GRTP1: variants seen among roughly 807,000 people sequenced by gnomAD.
GRTP1 encodes growth hormone-regulated TBC protein 1.
In GRTP1, 56 loss-of-function variants were observed where a neutral mutation model predicts 38.1. That is an observed-to-expected ratio of 1.47 (90% CI 1.19 to 1.84). The LOEUF is 1.84. GRTP1 is among the 40% of genes most tolerant of loss of function. GRTP1 has a pLI of 0.00. For missense variants in GRTP1, 506 were observed against 453.9 expected (o/e 1.11, Z -1.04); for synonymous variants, 217 against 189.5 (o/e 1.14, Z -1.19).
Position 113,348,781 on chromosome 13 carries a change from C to T in GRTP1, c.465+2068G>A, listed in dbSNP as rs1354700561. ...AGGGCAAGGCCTGGGACAGTCCGTC[C>T]GTCACAGCCTCAGAAAGAACCCGCC... On this transcript the variant is annotated intron_variant, in intron 4 of 7. Coordinates refer to ENST00000375431, the MANE Select transcript of GRTP1 (RefSeq NM_024719.4). This position sits in a 1 kb window ranked among gnomAD's most constrained non-coding sequence, Gnocchi z 4.8. Among the ~76,000 whole-genome samples, 4 of 152,174 alleles carry T rather than the reference C, an allele frequency of 2.6e-5. No individual in the cohort carries two copies. Among genetic ancestry groups the T allele is most frequent in the East Asian group, 1.9e-4 (1 of 5,180 alleles).
chr13:113,359,327 T>A (rs891720414), intron 2 of GRTP1, among the ~76,000 whole-genome samples: 11 of 152,202 alleles, frequency 7.2e-5, no homozygotes, highest in African/African-American at 2.2e-4. Context: ...CCATATACTG[T>A]TAAGAGTGAA....
At chr13:113,331,551 CT>C (rs2139409184) in intron 5 of GRTP1, among the ~76,000 whole-genome samples, 1 of 152,166 alleles carries the variant, frequency 6.6e-6, no homozygotes, top group South Asian at 2.1e-4. Flanking sequence ...CCTGAGAAGA[CT>C]TCGGCGTGGC....
At chr13:113,345,889 G>A (rs896696879) in intron 4 of GRTP1, among the ~76,000 whole-genome samples, 52 of 152,040 alleles carry the variant, frequency 3.4e-4, no homozygotes, top group Non-Finnish European at 6.2e-4. Flanking sequence ...AGAAGATGAC[G>A]ATGGAAGCTC....
chr13:113,356,756 CTT>C (rs1449802191), intron 2 of GRTP1, among the ~76,000 whole-genome samples: 10 of 152,072 alleles, frequency 6.6e-5, no homozygotes, highest in African/African-American at 2.2e-4. Flanking sequence ...TAGGGTAAAA[CTT>C]TATGAGCTCA....
rs971555959 is a variant in GRTP1, at chr13:113,343,387, G to A, written c.562+1476C>T. Among the ~76,000 whole-genome samples the A allele has an allele frequency of 2.0e-5, 3 of 152,248 alleles. No homozygotes were observed. Among genetic ancestry groups the A allele is most frequent in the South Asian group, 2.1e-4 (1 of 4,818 alleles). Reference sequence around the variant, plus strand: ...CGGGTCAACAGCTCTTCCCACTCCCGGGAGCTCTGTGGGGTTCCCTTCCTC... The same window carrying A: ...CGGGTCAACAGCTCTTCCCACTCCCAGGAGCTCTGTGGGGTTCCCTTCCTC... On this transcript the variant is annotated intron_variant, in intron 5 of 7. Coordinates refer to ENST00000375431, the MANE Select transcript of GRTP1 (RefSeq NM_024719.4). The surrounding 1 kb of genome is among the most constrained non-coding windows in gnomAD (Gnocchi z 4.8).
chr13:113,326,345 C>T (rs914548830), intron 5 of GRTP1, among the ~76,000 whole-genome samples: 55 of 122,684 alleles, frequency 4.5e-4, no homozygotes, highest in African/African-American at 1.6e-3. Context: ...GGCTGGGCAT[C>T]AGTTAAAATC....
rs367569491 is a variant in GRTP1, at chr13:113,325,721, G to A, written c.861C>T (p.Cys287=). 49 of 1,614,048 alleles carry A rather than the reference G, an allele frequency of 3.0e-5. No individual in the cohort carries two copies. The highest frequency in any genetic ancestry group is 8.0e-5 in the African/African-American group (6 of 74,912). ...CTTTGGTTATCTGCTTAAACTTATCGCAAATGTCTGGAACGCTGGTGGCTT... is the reference window on the plus strand; with the variant it reads ...CTTTGGTTATCTGCTTAAACTTATCACAAATGTCTGGAACGCTGGTGGCTT... The part of the protein sequence containing the change: ...ILEATSVPDI[C]DKFKQITKGS... The change falls in exon 7 of 8, where the codon TGC becomes TGT. Residue 287 remains cysteine, a synonymous_variant. Coordinates refer to ENST00000375431, the MANE Select transcript of GRTP1 (RefSeq NM_024719.4).
intron 2 of GRTP1, among the ~76,000 whole-genome samples, chr13:113,360,592 G>A (rs975792356): frequency 4.6e-5 from 7 of 152,106 alleles, no homozygotes; most frequent in African/African-American, 1.2e-4. Context: ...GCACCCTGAC[G>A]GTCACACTGG....
intron 3 of GRTP1, among the ~76,000 whole-genome samples, chr13:113,352,273 T>A (rs1314511792): frequency 9.2e-6 from 1 of 108,980 alleles, no homozygotes; most frequent in East Asian, 3.1e-4. Flanking sequence ...TTTATATTTT[T>A]ATATATATTT....
At chr13:113,325,012 TAG>T (rs1464636956) in intron 7 of GRTP1, 20 of 680,554 alleles carry the variant, frequency 2.9e-5, no homozygotes, top group Middle Eastern at 7.2e-4. Context: ...TATTTTTTAG[TAG>T]AGACGGGGTT....
chr13:113,354,685 C>T (rs1223783310), intron 3 of GRTP1, among the ~76,000 whole-genome samples: 2 of 152,116 alleles, frequency 1.3e-5, no homozygotes, highest in Non-Finnish European at 2.9e-5. Context: ...TGCGCCACCA[C>T]GCCCGGCTAT....
intron 5 of GRTP1, among the ~76,000 whole-genome samples, chr13:113,333,770 C>T (rs754374336): frequency 6.6e-6 from 1 of 150,454 alleles, no homozygotes; most frequent in Non-Finnish European, 1.5e-5. Context: ...GGATTACAGG[C>T]GAGAGCCACC....
chr13:113,346,019 AG>A (rs1275559702), intron 4 of GRTP1, among the ~76,000 whole-genome samples: 2 of 93,630 alleles, frequency 2.1e-5, no homozygotes, highest in South Asian at 3.9e-4. Flanking sequence ...TCTGCGGCTG[AG>A]CAGACCTGGG....
Position 113,349,983 on chromosome 13 carries a change from G to C in GRTP1, c.465+866C>G, listed in dbSNP as rs1297176636. Among the ~76,000 whole-genome samples, 1 of 152,106 alleles carries C rather than the reference G, an allele frequency of 6.6e-6. No homozygotes were observed. The highest frequency in any genetic ancestry group is 1.5e-5 in the Non-Finnish European group (1 of 68,010). On this transcript the variant is annotated intron_variant, in intron 4 of 7. Coordinates refer to ENST00000375431, the MANE Select transcript of GRTP1 (RefSeq NM_024719.4). The surrounding 1 kb of genome is among the most constrained non-coding windows in gnomAD (Gnocchi z 5.0). ...TGAAGCACATGGCCTAAAATGCCAG[G>C]AACGCACTCTCCAATCCCGGTGGCA...
intron 2 of GRTP1, among the ~76,000 whole-genome samples, chr13:113,355,931 A>C (rs1222554866): frequency 1.3e-5 from 2 of 152,114 alleles, no homozygotes; most frequent in Non-Finnish European, 2.9e-5. Context: ...TCACTGTCCA[A>C]CTCGTGCAGT....
rs61405041 is a variant in GRTP1 at position 113,325,657 on chromosome 13, A to ACACT, written c.921+3_921+4insAGTG. On this transcript the variant is annotated splice_donor_region_variant and intron_variant, in intron 7 of 7. Coordinates refer to ENST00000375431, the MANE Select transcript of GRTP1 (RefSeq NM_024719.4). ...GGGACTGAGCCACGTGCAGCCCCAC[A>ACACT]CACCTGCATAAACGTGTGACACTCC... is the stretch of plus-strand genomic sequence containing the variant. 54,126 of 1,613,854 alleles carry ACACT rather than the reference A, an allele frequency of 0.034. 10,047 individuals are homozygous for ACACT. In the African/African-American group the frequency reaches 0.49, roughly 15 times the overall value.
rs67179331 is a variant in GRTP1 at position 113,336,298 on chromosome 13, G to GTTTTTT, written c.562+8559_562+8564dup. 8.6e-4 allele frequency among the ~76,000 whole-genome samples: 18 copies of GTTTTTT among 20,982 alleles called. 1 individual carries two copies. Among genetic ancestry groups the GTTTTTT allele is most frequent in the Non-Finnish European group, 1.3e-3 (3 of 2,300 alleles). 13.8% of individuals were successfully genotyped at this position (20,982 alleles called of 152,430 possible). A position where few individuals can be genotyped will look rare whatever the true frequency, so the allele number is the denominator to read the frequency against. On this transcript the variant is annotated intron_variant, in intron 5 of 7. Transcript: ENST00000375431. ...CACACCCAGCAGTGGGAATAAGGTAGTTTTTTTTTTTTTTTTTAAGGCAAA... is the reference window on the plus strand; with the variant it reads ...CACACCCAGCAGTGGGAATAAGGTAGTTTTTTTTTTTTTTTTTTTTTTTAAGGCAAA...
rs1595494078 is a variant in GRTP1 at position 113,345,969 on chromosome 13, CA to C, written c.466-1011del. On this transcript the variant is annotated intron_variant, in intron 4 of 7. Coordinates refer to ENST00000375431, the MANE Select transcript of GRTP1 (RefSeq NM_024719.4). ...AGACCTCTGTGGCCAAAAGCAGACCCAGGAGGACTTTTGTGGCCGAGAGTGG... is the reference window on the plus strand; with the variant it reads ...AGACCTCTGTGGCCAAAAGCAGACCCGGAGGACTTTTGTGGCCGAGAGTGG... Among the ~76,000 whole-genome samples the C allele has an allele frequency of 2.0e-5, 3 of 151,944 alleles. No homozygotes were observed. In the East Asian group the frequency reaches 5.8e-4, roughly 29 times the overall value.
intron 5 of GRTP1, among the ~76,000 whole-genome samples, chr13:113,328,996 C>T (rs2042816923): frequency 6.6e-6 from 1 of 152,244 alleles, no homozygotes; most frequent in Non-Finnish European, 1.5e-5. Flanking sequence ...TGCCCAGAAG[C>T]CTGAAGGTAG....
Sources: gnomAD v4.1 joint callset for allele counts (sites outside exome capture counted in the v4.1 genomes callset) on GRCh38, gnomAD v4.1.1 for gene constraint, Gnocchi (gnomAD v3.1) non-coding constraint, MANE v1.5 for transcripts, NCBI Gene and HGNC (gene_info 2026-07-23, HGNC 2026-07-21) for gene names.